CHL1: variants seen among roughly 807,000 people sequenced by gnomAD.
CHL1 encodes cell adhesion molecule L1 like, also known as neural cell adhesion molecule L1-like protein.
Under a neutral mutation model 141.9 loss-of-function variants are expected in CHL1, and 96 were observed. That is an observed-to-expected ratio of 0.68 (90% CI 0.57 to 0.80). CHL1 has a LOEUF of 0.80. Ranked by LOEUF, CHL1 falls within the 30% of genes least tolerant of loss-of-function variation. The pLI is 0.00. For missense variants in CHL1, 1,820 were observed against 1,457.2 expected (o/e 1.25, Z -4.05); for synonymous variants, 613 against 502.2 (o/e 1.22, Z -2.95).
chr3:226,197 T>C (rs1029496822), intron 1 of CHL1, among the ~76,000 whole-genome samples: 5 of 149,950 alleles, frequency 3.3e-5, no homozygotes, highest in Non-Finnish European at 7.4e-5. Flanking sequence ...ATTTTTTATA[T>C]TTTTAGTAGA....
chr3:333,955 T>G (rs1476489273), intron 5 of CHL1, among the ~76,000 whole-genome samples: 1 of 152,126 alleles, frequency 6.6e-6, no homozygotes, highest in Non-Finnish European at 1.5e-5. Flanking sequence ...CTTGTTTGTT[T>G]GTTTGTTTGT....
At position 405,493 on chromosome 3, in the gene CHL1, A is replaced by G; in HGVS notation, c.3459-2A>G. The stretch of plus-strand genomic sequence containing the variant: ...AGCTATTTTTGTTTGTTTGTTTTCT[A>G]GTGACAGTGATGAAAAGCCTCTCAA... On this transcript the variant is annotated splice_acceptor_variant, in intron 27 of 27. Transcript: ENST00000256509. LOFTEE classifies it high-confidence loss of function. 6.2e-7 allele frequency: 1 copy of G among 1,601,790 alleles called. No individual in the cohort carries two copies. The highest frequency in any genetic ancestry group is 8.6e-7 in the Non-Finnish European group (1 of 1,169,556).
chr3:346,613 G>A (rs1457810169), intron 9 of CHL1, among the ~76,000 whole-genome samples: 3 of 152,162 alleles, frequency 2.0e-5, no homozygotes, highest in African/African-American at 4.8e-5. Flanking sequence ...AAAACAGAGT[G>A]GATGAAAATA....
At chr3:199,838 A>G (rs868496882) in intron 1 of CHL1, among the ~76,000 whole-genome samples, 3 of 152,246 alleles carry the variant, frequency 2.0e-5, no homozygotes, top group African/African-American at 4.8e-5. Context: ...ATTCGCTTTT[A>G]TAGAAAAATA....
intron 24 of CHL1, 111 bp downstream of exon 24, chr3:394,983 G>T (rs1422845287): frequency 2.2e-6 from 2 of 897,554 alleles, no homozygotes; most frequent in Non-Finnish European, 3.3e-6. Context: ...AATTAGAAAT[G>T]ATTGTGATCC....
chr3:300,174 T>A (rs1331733362), intron 2 of CHL1, among the ~76,000 whole-genome samples: 1 of 152,200 alleles, frequency 6.6e-6, no homozygotes, highest in Non-Finnish European at 1.5e-5. Context: ...CTAAAACTAA[T>A]AAGACTTGCT....
chr3:349,195 T>C (rs1703029228), intron 9 of CHL1, among the ~76,000 whole-genome samples, 164 bp from the exon 10 acceptor site: 1 of 152,156 alleles, frequency 6.6e-6, no homozygotes, highest in African/African-American at 2.4e-5. Context: ...GTGTTCACTA[T>C]TGTTGGTGGT....
rs77269964 is a variant in CHL1 at position 215,467 on chromosome 3, A to G, written c.-175+18404A>G. On this transcript the variant is annotated intron_variant, in intron 1 of 27. Coordinates refer to ENST00000256509, the MANE Select transcript of CHL1 (RefSeq NM_006614.4). ...ATAAAATTACAATTAGACAGGAGAA[A>G]TAAGTTCTGGTGTTCTATAGCATAG... is the stretch of plus-strand genomic sequence containing the variant. Among the ~76,000 whole-genome samples the G allele has an allele frequency of 9.4e-3, 1,431 of 152,300 alleles. 12 individuals carry two copies. The highest frequency in any genetic ancestry group is 0.017 in the Middle Eastern group (5 of 294).
At chr3:318,880 T>TA (rs1700335888) in intron 2 of CHL1, among the ~76,000 whole-genome samples, 1 of 151,470 alleles carries the variant, frequency 6.6e-6, no homozygotes, top group African/African-American at 2.4e-5. Context: ...AGGAACTGAG[T>TA]AAAAAAGAAC....
chr3:200,544 A>G (rs550092663), intron 1 of CHL1, among the ~76,000 whole-genome samples: 3 of 152,360 alleles, frequency 2.0e-5, no homozygotes, highest in South Asian at 2.1e-4. Flanking sequence ...CAGTCGGAAG[A>G]GAATGCAATT....
At chr3:278,152 A>C (rs1696321417) in intron 2 of CHL1, among the ~76,000 whole-genome samples, 1 of 152,244 alleles carries the variant, frequency 6.6e-6, no homozygotes, top group African/African-American at 2.4e-5. Context: ...CATCCGCTCT[A>C]TAGAAATCAG....
intron 12 of CHL1, 136 bp downstream of exon 12, chr3:360,560 G>C (rs1704135503): frequency 4.9e-6 from 4 of 816,282 alleles, no homozygotes; most frequent in South Asian, 4.2e-5. Flanking sequence ...ATACATTTGA[G>C]TTTTAGACTT....
At chr3:374,431 G>A (rs1005224067) in intron 15 of CHL1, among the ~76,000 whole-genome samples, 1 of 152,094 alleles carries the variant, frequency 6.6e-6, no homozygotes, top group Non-Finnish European at 1.5e-5. Context: ...TCTTCCATGT[G>A]ACCTCTGGGC....
At chr3:368,316 T>G (rs1705169112) in intron 15 of CHL1, among the ~76,000 whole-genome samples, 1 of 152,174 alleles carries the variant, frequency 6.6e-6, no homozygotes, top group Non-Finnish European at 1.5e-5. Flanking sequence ...GGTATCTCAT[T>G]GTGGTTTTCA....
At chr3:374,248 A>G (rs1480225422) in intron 15 of CHL1, among the ~76,000 whole-genome samples, 1 of 152,108 alleles carries the variant, frequency 6.6e-6, no homozygotes, top group Non-Finnish European at 1.5e-5. Flanking sequence ...GCAGAAAGGC[A>G]GTGTATGTAT....
intron 9 of CHL1, among the ~76,000 whole-genome samples, chr3:348,366 T>C (rs1186625632): frequency 6.6e-6 from 1 of 152,170 alleles, no homozygotes; most frequent in Non-Finnish European, 1.5e-5. Flanking sequence ...AGGAAAAGTG[T>C]TGCATCAATA....
chr3:409,115 G>A lies in CHL1; in HGVS notation c.*3404G>A, dbSNP rs368964198. The A allele has an allele frequency of 1.3e-5, 2 of 151,956 alleles. No homozygotes were observed. The highest frequency in any genetic ancestry group is 4.8e-5 in the African/African-American group (2 of 41,370). The allele number at this position is 151,956 out of a possible 1,614,324, so 9.4% of individuals were successfully genotyped here. On this transcript the variant is annotated 3_prime_UTR_variant, in exon 28 of 28. Coordinates refer to ENST00000256509, the MANE Select transcript of CHL1 (RefSeq NM_006614.4). ...TAATGGGATTGGGTTTGTTATCTGT[G>A]GTAGTATATATCCTAGTGTTCCTAT...
intron 1 of CHL1, among the ~76,000 whole-genome samples, chr3:237,046 G>A (rs977603982): frequency 1.1e-4 from 16 of 152,204 alleles, no homozygotes; most frequent in South Asian, 2.1e-4. Context: ...GCCTTGGAAT[G>A]TTCTTTGCTG....
chr3:263,751 G>A (rs1345541815), intron 2 of CHL1, among the ~76,000 whole-genome samples: 5 of 152,054 alleles, frequency 3.3e-5, no homozygotes, highest in African/African-American at 4.8e-5. Flanking sequence ...ATAGCTCTTC[G>A]AACTCAGAGA....
Sources: allele counts gnomAD v4.1 joint callset (sites outside exome capture counted in the v4.1 genomes callset), GRCh38; gene constraint gnomAD v4.1.1; transcripts MANE v1.5; gene names NCBI Gene and HGNC (gene_info 2026-07-23, HGNC 2026-07-21).